The following ZNF644 variants were observed in gnomAD, a reference collection of about 807,000 sequenced individuals.
The protein encoded by ZNF644 is zinc finger motif enhancer binding protein 2.
In ZNF644, 20 loss-of-function variants were observed where a neutral mutation model predicts 108.0. The ratio of observed to expected loss-of-function variants is 0.19; its 90% CI spans 0.13 to 0.27. The LOEUF (loss-of-function observed/expected upper bound fraction) is 0.27, where lower values mean the gene tolerates loss of function less well. Among genes scored for constraint, ZNF644 ranks in the 10% least tolerant of loss-of-function variants. The probability of loss-of-function intolerance (pLI) is 1.00; values close to 1 mark genes in which losing one functional copy is unlikely to be tolerated. For synonymous variants in ZNF644, 542 were observed against 539.1 expected, an observed-to-expected ratio of 1.01 and a Z score of -0.08; for missense variants, 1,338 against 1,548.9, an observed-to-expected ratio of 0.86 and a Z score of 2.29.
intron 2 of ZNF644, among the ~76,000 whole-genome samples, chr1:90,949,384 C>T (rs1278415332): frequency 6.6e-6 from 1 of 151,866 alleles, no homozygotes; most frequent in Admixed American, 6.6e-5. Context: ...AGAAAAAATC[C>T]AATTATCATC....
chr1:90,924,267 A>T (rs1370253153), intron 4 of ZNF644, among the ~76,000 whole-genome samples: 1 of 152,198 alleles, frequency 6.6e-6, no homozygotes, highest in Non-Finnish European at 1.5e-5. Flanking sequence ...ACATTTAAAA[A>T]TTTCTTTTCA....
chr1:90,989,121 A>G (rs1011565900), intron 1 of ZNF644, among the ~76,000 whole-genome samples: 4 of 152,236 alleles, frequency 2.6e-5, no homozygotes, highest in Admixed American at 2.6e-4. Context: ...CAAATCATGT[A>G]TCTGATAAGA....
At chr1:91,014,361 A>G (rs1355790276) in intron 1 of ZNF644, among the ~76,000 whole-genome samples, 1 of 152,178 alleles carries the variant, frequency 6.6e-6, no homozygotes, top group Non-Finnish European at 1.5e-5. Context: ...GGAATTACTA[A>G]TAGTAATTAA....
intron 4 of ZNF644, among the ~76,000 whole-genome samples, chr1:90,929,839 T>C (rs1055967832): frequency 6.6e-6 from 1 of 152,174 alleles, no homozygotes; most frequent in Admixed American, 6.5e-5. Flanking sequence ...TAAAAGTAAA[T>C]GGTATGAAAA....
intron 2 of ZNF644, among the ~76,000 whole-genome samples, chr1:90,942,244 G>C (rs1403129991): frequency 6.6e-6 from 1 of 152,100 alleles, no homozygotes; most frequent in Non-Finnish European, 1.5e-5. Context: ...CATATAAAAT[G>C]TAGATAAAAC....
chr1:90,954,805 G>A (rs1653578067), intron 2 of ZNF644, among the ~76,000 whole-genome samples: 1 of 152,124 alleles, frequency 6.6e-6, no homozygotes, highest in African/African-American at 2.4e-5. Flanking sequence ...TCATACATGA[G>A]GGTTGAAATC....
intron 4 of ZNF644, among the ~76,000 whole-genome samples, chr1:90,919,853 T>C (rs1649227045): frequency 6.6e-6 from 1 of 152,098 alleles, no homozygotes; most frequent in South Asian, 2.1e-4. Context: ...TCCTATTTAA[T>C]ACAGGTAATA....
chr1:90,941,202 T>A lies in ZNF644; in HGVS notation c.152A>T (p.Asp51Val). Residue 51 changes from aspartate (D) to valine (V), a missense_variant, in exon 3 of 6, where the codon GAC becomes GTC. By Grantham distance (152) the Asp-to-Val change is radical. Around this residue, in one of 6 missense-constraint regions of ZNF644, gnomAD observed 464 missense variants for 457.9 expected, o/e 1.01. Transcript: ENST00000337393. The stretch of plus-strand genomic sequence containing the variant: ...TGGCTTATGAACTCCGCTCTCTTTG[T>A]CTGAGATAAAATTGTTGTCATCTAG... ...ELLDDNNFIS[D>V]KESGVHKPKD... The A allele has an allele frequency of 6.2e-7, 1 of 1,607,654 alleles. No homozygotes were observed. The highest frequency in any genetic ancestry group is 8.5e-7 in the Non-Finnish European group (1 of 1,177,908).
intron 1 of ZNF644, among the ~76,000 whole-genome samples, chr1:91,014,293 G>A (rs566228556): frequency 4.0e-4 from 61 of 151,844 alleles, no homozygotes; most frequent in Non-Finnish European, 7.4e-4. Flanking sequence ...TCATCTTCCC[G>A]ATGAGTGCCA....
chr1:90,994,763 GAAAACCACAGGGCAAAATTGGACTAC>G (rs1467245875), intron 1 of ZNF644, among the ~76,000 whole-genome samples: 32 of 152,112 alleles, frequency 2.1e-4, no homozygotes, highest in Non-Finnish European at 4.3e-4. Context: ...CGAGAAGCAA[GAAAACCACAGGGCAAAATTGGACTAC>G]AATCTCCACA....
intron 4 of ZNF644, among the ~76,000 whole-genome samples, chr1:90,923,112 G>A (rs567214003): frequency 1.3e-5 from 2 of 152,218 alleles, no homozygotes; most frequent in African/African-American, 4.8e-5. Flanking sequence ...TGTACAAAGT[G>A]CCTAGGAGAC....
At chr1:91,009,626 A>G (rs531246163) in intron 1 of ZNF644, among the ~76,000 whole-genome samples, 17 of 152,314 alleles carry the variant, frequency 1.1e-4, no homozygotes, top group Middle Eastern at 3.4e-3. Flanking sequence ...CTCTTAAGCC[A>G]TGGCTAAAAT....
intron 4 of ZNF644, among the ~76,000 whole-genome samples, chr1:90,929,091 G>A (rs1029719459): frequency 6.6e-6 from 1 of 152,102 alleles, no homozygotes; most frequent in African/African-American, 2.4e-5. Context: ...GTCACAAGAA[G>A]CATACCAGCA....
chr1:90,938,699 C>A lies in ZNF644; in HGVS notation c.2655G>T (p.Glu885Asp), dbSNP rs41286761. ...EDETYSDINQ[E>D]HVNLFPLFKS... ...TAAATAAAGGGAATAAATTTACATG[C>A]TCTTGATTAATATCACTATAGGTTT... Residue 885 changes from glutamate to aspartate, a missense_variant, in exon 3 of 6, where the codon GAG (glutamate) becomes GAT (aspartate). Physicochemically the swap from Glu to Asp is conservative, Grantham distance 45. Around this residue, in one of 6 missense-constraint regions of ZNF644, gnomAD observed 462 missense variants for 472.6 expected, o/e 0.98. Transcript: ENST00000337393. This position sits in a 1 kb window ranked among gnomAD's most constrained non-coding sequence, Gnocchi z 4.2. The A allele has an allele frequency of 0.03, 47,701 of 1,613,136 alleles. 904 individuals carry two copies. Among genetic ancestry groups the A allele is most frequent in the Non-Finnish European group, 0.035 (41,317 of 1,179,756 alleles).
intron 2 of ZNF644, among the ~76,000 whole-genome samples, chr1:90,954,516 C>T (rs573490218): frequency 2.6e-5 from 4 of 152,206 alleles, no homozygotes; most frequent in African/African-American, 9.6e-5. Flanking sequence ...AAGCAATTCT[C>T]CTGGCTCAGC....
At chr1:90,988,174 AT>A (rs755442765) in intron 1 of ZNF644, among the ~76,000 whole-genome samples, 3 of 152,180 alleles carry the variant, frequency 2.0e-5, no homozygotes, top group South Asian at 2.1e-4. Flanking sequence ...AAGAAAAAAA[AT>A]GTTAGAAGTA....
intron 2 of ZNF644, among the ~76,000 whole-genome samples, chr1:90,968,720 GGTATAC>G (rs776255492): frequency 6.6e-6 from 1 of 151,880 alleles, no homozygotes; most frequent in Non-Finnish European, 1.5e-5. Context: ...ATGACATGAA[GGTATAC>G]TGTAACTCCC....
At chr1:91,016,928 G>T (rs1218877514) in intron 1 of ZNF644, among the ~76,000 whole-genome samples, 1 of 152,190 alleles carries the variant, frequency 6.6e-6, no homozygotes, top group Non-Finnish European at 1.5e-5. Flanking sequence ...TGCCTCCTGG[G>T]TTCAAGTGAT....
chr1:90,977,909 G>C (rs1656165469), intron 2 of ZNF644, among the ~76,000 whole-genome samples: 1 of 152,154 alleles, frequency 6.6e-6, no homozygotes, highest in African/African-American at 2.4e-5. Context: ...GAAAGAAAAA[G>C]ATGTAGAATA....
Sources: allele counts gnomAD v4.1 joint callset (sites outside exome capture counted in the v4.1 genomes callset), GRCh38; gene constraint gnomAD v4.1.1; regional missense constraint gnomAD v4.1.1; non-coding constraint Gnocchi (gnomAD v3.1); transcripts MANE v1.5; gene names NCBI Gene and HGNC (gene_info 2026-07-23, HGNC 2026-07-21).